Variants in GPC6 observed in about 807,000 individuals in gnomAD.
GPC6 encodes glypican-6.
GPC6 carries 14 observed loss-of-function variants against 55.2 expected under a neutral mutation model. The observed-to-expected ratio is 0.25, with a 90% CI of 0.17 to 0.40. The LOEUF is 0.40. GPC6 is among the 10% of genes least tolerant of loss of function. The pLI is 1.00. For missense variants in GPC6, 641 were observed against 708.5 expected (o/e 0.90, Z 1.08); for synonymous variants, 278 against 259.6 (o/e 1.07, Z -0.68).
At chr13:94,065,791 A>T (rs1267786862) in intron 4 of GPC6, among the ~76,000 whole-genome samples, 1 of 152,178 alleles carries the variant, frequency 6.6e-6, no homozygotes, top group Non-Finnish European at 1.5e-5. Context: ...GATGTGTAGC[A>T]TCTTGAGATC....
intron 4 of GPC6, among the ~76,000 whole-genome samples, chr13:94,169,811 G>A (rs572294249): frequency 6.6e-6 from 1 of 152,208 alleles, no homozygotes; most frequent in South Asian, 2.1e-4. Flanking sequence ...GGCTGCAGGA[G>A]CCTTATGTGC....
intron 2 of GPC6, among the ~76,000 whole-genome samples, chr13:93,704,341 C>T (rs916011436): frequency 2.1e-4 from 32 of 151,836 alleles, no homozygotes; most frequent in Non-Finnish European, 1.2e-4. Flanking sequence ...TAGTTCTGTA[C>T]GATTTCTTTT....
At chr13:94,324,249 T>A (rs2139133171) in intron 6 of GPC6, among the ~76,000 whole-genome samples, 1 of 151,360 alleles carries the variant, frequency 6.6e-6, no homozygotes, top group African/African-American at 2.4e-5. Context: ...GTGACTGATT[T>A]CTGAGAGCAG....
At chr13:93,561,504 TAC>T (rs1247912426) in intron 2 of GPC6, among the ~76,000 whole-genome samples, 2 of 150,192 alleles carry the variant, frequency 1.3e-5, no homozygotes, top group African/African-American at 2.5e-5. Flanking sequence ...GATCCTAAAT[TAC>T]ACTTTATATT....
At chr13:93,992,568 G>T (rs1419196655) in intron 3 of GPC6, among the ~76,000 whole-genome samples, 3 of 152,136 alleles carry the variant, frequency 2.0e-5, no homozygotes, top group African/African-American at 7.2e-5. Context: ...TAGACCAATG[G>T]TTGCACTCAA....
intron 4 of GPC6, among the ~76,000 whole-genome samples, chr13:94,148,782 G>A (rs1887642714): frequency 1.3e-5 from 2 of 152,134 alleles, no homozygotes; most frequent in African/African-American, 2.4e-5. Context: ...AAGAGAACAA[G>A]TTGTCAATGA....
intron 6 of GPC6, among the ~76,000 whole-genome samples, chr13:94,373,495 G>A (rs571077761): frequency 1.1e-4 from 16 of 152,256 alleles, no homozygotes; most frequent in South Asian, 1.0e-3. Context: ...TAAATGAAGC[G>A]AGAACGGAAG....
At chr13:93,676,188 CACAT>C (rs1214854455) in intron 2 of GPC6, among the ~76,000 whole-genome samples, 18 of 78,980 alleles carry the variant, frequency 2.3e-4, no homozygotes, top group African/African-American at 6.7e-4. Flanking sequence ...CACACACACA[CACAT>C]ATATATGTAT....
chr13:94,206,578 G>T (rs559445624), intron 4 of GPC6, among the ~76,000 whole-genome samples: 3 of 152,254 alleles, frequency 2.0e-5, no homozygotes, highest in African/African-American at 7.2e-5. Context: ...TAAGAGCCAG[G>T]CACGGCAGCT....
intron 3 of GPC6, among the ~76,000 whole-genome samples, chr13:94,024,897 G>T (rs1882834894): frequency 6.6e-6 from 1 of 152,080 alleles, no homozygotes; most frequent in South Asian, 2.1e-4. Flanking sequence ...AAGAAATGGG[G>T]AAGCACAATA....
chr13:94,127,757 T>C (rs890734918), intron 4 of GPC6, among the ~76,000 whole-genome samples: 1 of 152,184 alleles, frequency 6.6e-6, no homozygotes, highest in South Asian at 2.1e-4. Flanking sequence ...GATGGCCACA[T>C]GTGGATGAGG....
intron 6 of GPC6, among the ~76,000 whole-genome samples, chr13:94,351,864 G>A (rs1330569783): frequency 1.4e-5 from 2 of 147,754 alleles, no homozygotes; most frequent in African/African-American, 5.0e-5. Flanking sequence ...CATTCCAGAT[G>A]ACTTCAAGGA....
intron 1 of GPC6, among the ~76,000 whole-genome samples, chr13:93,381,103 A>AT (rs1875149552): frequency 6.6e-6 from 1 of 152,284 alleles, no homozygotes; most frequent in South Asian, 2.1e-4. Flanking sequence ...AACTGACTGG[A>AT]TTTTTTTAAA....
intron 3 of GPC6, among the ~76,000 whole-genome samples, chr13:93,897,329 G>A (rs1470031951): frequency 1.3e-5 from 2 of 152,050 alleles, no homozygotes; most frequent in Non-Finnish European, 2.9e-5. Context: ...TAATTCAAAT[G>A]TGTGTGTCAA....
chr13:93,964,726 G>T (rs1594625893), intron 3 of GPC6, among the ~76,000 whole-genome samples: 1 of 152,150 alleles, frequency 6.6e-6, no homozygotes, highest in Non-Finnish European at 1.5e-5. Context: ...GTGACTGAAA[G>T]CAATACAGTG....
intron 1 of GPC6, among the ~76,000 whole-genome samples, chr13:93,463,022 G>A (rs1382350132): frequency 6.6e-6 from 1 of 152,062 alleles, no homozygotes; most frequent in Non-Finnish European, 1.5e-5. Context: ...TAAGAATTAG[G>A]ACAATCTTTT....
At chr13:93,828,951 G>A (rs1015223182) in intron 2 of GPC6, among the ~76,000 whole-genome samples, 19 of 152,058 alleles carry the variant, frequency 1.2e-4, no homozygotes, top group East Asian at 1.9e-4. Context: ...AGAGGTGTTC[G>A]TCACTATTTC....
At chr13:94,119,491 C>T (rs1295343430) in intron 4 of GPC6, among the ~76,000 whole-genome samples, 1 of 152,034 alleles carries the variant, frequency 6.6e-6, no homozygotes, top group Non-Finnish European at 1.5e-5. Flanking sequence ...GCATTACAGG[C>T]AGGAGAAACA....
intron 4 of GPC6, among the ~76,000 whole-genome samples, chr13:94,111,762 G>A (rs1304935720): frequency 6.6e-6 from 1 of 152,024 alleles, no homozygotes; most frequent in East Asian, 1.9e-4. Context: ...CTTCACCTTA[G>A]TACTCCCAGA....
Sources: allele counts gnomAD v4.1 joint callset (sites outside exome capture counted in the v4.1 genomes callset), GRCh38; gene constraint gnomAD v4.1.1; transcripts MANE v1.5; gene names NCBI Gene and HGNC (gene_info 2026-07-23, HGNC 2026-07-21).